Variants in BABAM2 observed in about 807,000 individuals in gnomAD.
BABAM2 encodes the protein BRISC and BRCA1 A complex member 2, also known as BRISC and BRCA1-A complex member 2.
BABAM2 carries 31 observed loss-of-function variants against 54.7 expected under a neutral mutation model. The observed-to-expected ratio is 0.57, with a 90% CI of 0.43 to 0.77. The LOEUF (loss-of-function observed/expected upper bound fraction) is 0.77. Ranked by LOEUF, BABAM2 falls within the 30% of genes least tolerant of loss-of-function variation. BABAM2 has a pLI of 0.00. For synonymous variants in BABAM2, 167 were observed against 162.9 expected (o/e 1.03, Z -0.19); for missense variants, 364 against 455.8 (o/e 0.80, Z 1.83).
chr2:27,899,151 T>C (rs1665574939), intron 2 of BABAM2, among the ~76,000 whole-genome samples: 1 of 152,140 alleles, frequency 6.6e-6, no homozygotes, highest in Non-Finnish European at 1.5e-5. Context: ...GGAATGTTCA[T>C]TGACCTGAAT....
chr2:28,286,510 C>T (rs1304743656), intron 10 of BABAM2, among the ~76,000 whole-genome samples: 2 of 152,170 alleles, frequency 1.3e-5, no homozygotes, highest in East Asian at 3.9e-4. Flanking sequence ...TTCCGTCTAC[C>T]CAGATCCCCC....
chr2:27,890,527 G>A (rs1462871395), upstream of BABAM2: 1 of 611,708 alleles, frequency 1.6e-6, no homozygotes, highest in African/African-American at 1.9e-5. This position sits in a 1 kb window ranked among gnomAD's most constrained non-coding sequence, Gnocchi z 4.8. Context: ...TCCTGGAATA[G>A]TCTCGGTGCA....
intron 11 of BABAM2, among the ~76,000 whole-genome samples, chr2:28,313,810 C>T (rs1193815821): frequency 1.3e-5 from 2 of 152,208 alleles, no homozygotes; most frequent in Non-Finnish European, 2.9e-5. Flanking sequence ...AGAGCACCAA[C>T]TCAAAGCCTA....
chr2:28,089,610 C>T (rs543367659), intron 6 of BABAM2, among the ~76,000 whole-genome samples: 4 of 152,300 alleles, frequency 2.6e-5, no homozygotes, highest in South Asian at 4.1e-4. Flanking sequence ...CTACATCTTA[C>T]AGATGAGGAA....
At chr2:28,026,830 A>ATC (rs1374159497) in intron 5 of BABAM2, among the ~76,000 whole-genome samples, 3 of 50,118 alleles carry the variant, frequency 6.0e-5, no homozygotes, top group Non-Finnish European at 1.1e-4. Context: ...ATTTATATAT[A>ATC]TAAATATATA....
intron 3 of BABAM2, among the ~76,000 whole-genome samples, chr2:27,953,808 C>G (rs1411774719): frequency 1.3e-5 from 2 of 151,896 alleles, no homozygotes; most frequent in African/African-American, 4.8e-5. Context: ...AGGTGAATGC[C>G]AGAAGATTAA....
chr2:28,167,966 G>A lies in BABAM2; in HGVS notation c.680+38586G>A, dbSNP rs1673893382. Among the ~76,000 whole-genome samples the A allele has an allele frequency of 2.0e-5, 3 of 152,276 alleles. No homozygotes were observed. In the South Asian group the frequency reaches 6.2e-4, roughly 32 times the overall value. On this transcript the variant is annotated intron_variant, in intron 7 of 11. Coordinates refer to ENST00000379624, the MANE Select transcript of BABAM2 (RefSeq NM_199191.3). Reference sequence around the variant, plus strand: ...CTGATGAAGAAACAGGCTTAGAGAAGTTAATAATTTTCTCAAGACCACACA... The same window carrying A: ...CTGATGAAGAAACAGGCTTAGAGAAATTAATAATTTTCTCAAGACCACACA...
intron 2 of BABAM2, among the ~76,000 whole-genome samples, chr2:27,911,929 A>T (rs1398146900): frequency 6.6e-6 from 1 of 152,072 alleles, no homozygotes; most frequent in Non-Finnish European, 1.5e-5. Context: ...CTTTTCACAA[A>T]ACCTACACCA....
At chr2:27,894,724 A>G (rs746888943) in intron 2 of BABAM2, 40 bp downstream of exon 2, 47 of 1,610,878 alleles carry the variant, frequency 2.9e-5, no homozygotes, top group Non-Finnish European at 3.7e-5. Flanking sequence ...ACCAGAACCA[A>G]TTCAACCTTT....
intron 5 of BABAM2, among the ~76,000 whole-genome samples, chr2:28,033,219 A>G (rs1485292242): frequency 6.6e-6 from 1 of 152,036 alleles, no homozygotes; most frequent in Admixed American, 6.6e-5. Flanking sequence ...TTCATTTTAT[A>G]TTGCCACTAT....
At chr2:28,198,621 C>G (rs1677898860) in intron 7 of BABAM2, among the ~76,000 whole-genome samples, 1 of 152,176 alleles carries the variant, frequency 6.6e-6, no homozygotes, top group African/African-American at 2.4e-5. Flanking sequence ...TTCCTTCTCC[C>G]CCTTGCCTTT....
chr2:28,196,321 C>CGTCTCAAAAAAAAAAAAAAAAAAA (rs1360883175), intron 7 of BABAM2, among the ~76,000 whole-genome samples: 4 of 107,682 alleles, frequency 3.7e-5, no homozygotes, highest in Non-Finnish European at 7.3e-5. Context: ...AGCAAGACTC[C>CGTCTCAAAAAAAAAAAAAAAAAAA]ATATAAAAAA....
intron 2 of BABAM2, among the ~76,000 whole-genome samples, chr2:27,903,096 C>T (rs891131328): frequency 1.3e-5 from 2 of 150,350 alleles, no homozygotes; most frequent in Admixed American, 1.3e-4. Context: ...CTCCCCCACC[C>T]CCCCCACCGT....
At chr2:28,046,588 T>A (rs1051911512) in intron 6 of BABAM2, among the ~76,000 whole-genome samples, 1 of 152,162 alleles carries the variant, frequency 6.6e-6, no homozygotes. Context: ...TCTTCCTAAT[T>A]TGATGTTGTT....
At chr2:28,314,656 G>A (rs1397118995) in intron 11 of BABAM2, among the ~76,000 whole-genome samples, 2 of 152,248 alleles carry the variant, frequency 1.3e-5, no homozygotes, top group Non-Finnish European at 2.9e-5. Flanking sequence ...GTTAAGTGAT[G>A]TGTAAGATAC....
chr2:28,040,631 A>C (rs1031763763), intron 5 of BABAM2, among the ~76,000 whole-genome samples: 1 of 152,152 alleles, frequency 6.6e-6, no homozygotes, highest in African/African-American at 2.4e-5. Context: ...TTAGCGTTCA[A>C]CATTTCCAGT....
upstream of BABAM2, chr2:27,890,194 CGCATAGCG>C: frequency 6.6e-7 from 1 of 1,508,700 alleles, no homozygotes; most frequent in Non-Finnish European, 9.2e-7. The surrounding 1 kb of genome is among the most constrained non-coding windows in gnomAD (Gnocchi z 4.8). Context: ...CTCCACTGGG[CGCATAGCG>C]CACGGCACGC....
At chr2:28,079,441 T>G (rs1433016273) in intron 6 of BABAM2, among the ~76,000 whole-genome samples, 1 of 152,196 alleles carries the variant, frequency 6.6e-6, no homozygotes, top group Admixed American at 6.5e-5. Flanking sequence ...CTTTTTGTTG[T>G]AGTACAAGAG....
chr2:27,906,942 GAGGGTTTTTTTTAGTACAGGT>G (rs1337293354), intron 2 of BABAM2, among the ~76,000 whole-genome samples: 3 of 152,308 alleles, frequency 2.0e-5, no homozygotes, highest in East Asian at 3.9e-4. Flanking sequence ...GAAGACAGGT[GAGGGTTTTTTTTAGTACAGGT>G]TAATATGCAT....
Sources: gnomAD v4.1 joint callset for allele counts (sites outside exome capture counted in the v4.1 genomes callset) on GRCh38, gnomAD v4.1.1 for gene constraint, Gnocchi (gnomAD v3.1) non-coding constraint, MANE v1.5 for transcripts, NCBI Gene and HGNC (gene_info 2026-07-23, HGNC 2026-07-21) for gene names.